The following MDGA1 variants were observed in gnomAD, a reference collection of about 807,000 sequenced individuals.
MDGA1 encodes MAM domain containing glycosylphosphatidylinositol anchor 1.
Under a neutral mutation model 101.5 loss-of-function variants are expected in MDGA1, and 54 were observed. The observed-to-expected ratio is 0.53, with a 90% CI of 0.43 to 0.67. The LOEUF is 0.67. Ranked by LOEUF, MDGA1 falls within the 30% of genes least tolerant of loss-of-function variation. The probability of loss-of-function intolerance (pLI) is 0.00; values close to 1 mark genes in which losing one functional copy is unlikely to be tolerated. For missense variants in MDGA1, 1,083 were observed against 1,323.8 expected (o/e 0.82, Z 2.82); for synonymous variants, 533 against 558.3 (o/e 0.95, Z 0.64).
At chr6:37,672,199 C>T (rs1761884626) in intron 1 of MDGA1, among the ~76,000 whole-genome samples, 1 of 151,766 alleles carries the variant, frequency 6.6e-6, no homozygotes, top group Non-Finnish European at 1.5e-5. Flanking sequence ...GCTTGTAATC[C>T]CAACATTTTG....
intron 1 of MDGA1, among the ~76,000 whole-genome samples, chr6:37,665,627 C>T (rs1018647310): frequency 1.3e-5 from 2 of 152,194 alleles, no homozygotes; most frequent in African/African-American, 4.8e-5. Flanking sequence ...TTCCACCAGC[C>T]ATAACTACAC....
intron 8 of MDGA1, chr6:37,649,793 C>T (rs708020): frequency 0.23 from 130,777 of 564,698 alleles, 17,516 homozygotes; most frequent in African/African-American, 0.46. Flanking sequence ...TTTCATCATC[C>T]TGTTATCAGA....
intron 2 of MDGA1, among the ~76,000 whole-genome samples, chr6:37,658,895 C>T (rs867414595): frequency 5.8e-5 from 8 of 138,190 alleles, no homozygotes; most frequent in African/African-American, 1.4e-4. Flanking sequence ...AGCTTGAACC[C>T]GGGAGGCGGG....
At position 37,635,041 on chromosome 6, in the gene MDGA1, G is replaced by A. The variant is rs186189379; in HGVS notation, c.*2327C>T. On this transcript the variant is annotated 3_prime_UTR_variant, in exon 17 of 17. Coordinates refer to ENST00000434837, the MANE Select transcript of MDGA1 (RefSeq NM_153487.4). ...CTGGTGCTCCAATGCCTACCCCAGC[G>A]AGGGCACAGAGGAAGCACCCAGGTG... 2.4e-3 allele frequency: 372 copies of A among 157,556 alleles called. 1 individual carries two copies. The highest frequency in any genetic ancestry group is 3.3e-3 in the South Asian group (16 of 4,874). The allele number at this position is 157,556 out of a possible 1,614,324, so 9.8% of individuals were successfully genotyped here. A position where few individuals can be genotyped will look rare whatever the true frequency, so the allele number is the denominator to read the frequency against.
chr6:37,656,505 T>A (rs1179570679), intron 3 of MDGA1, among the ~76,000 whole-genome samples: 1 of 151,948 alleles, frequency 6.6e-6, no homozygotes, highest in Non-Finnish European at 1.5e-5. Context: ...CCTGAATAAC[T>A]GGGACTACAG....
intron 1 of MDGA1, among the ~76,000 whole-genome samples, chr6:37,695,331 G>A (rs1470433187): frequency 6.6e-6 from 1 of 152,222 alleles, no homozygotes; most frequent in Non-Finnish European, 1.5e-5. Flanking sequence ...AAGGCCTCCA[G>A]TACCTGCCCC....
At chr6:37,665,353 A>C (rs1435265272) in intron 1 of MDGA1, among the ~76,000 whole-genome samples, 1 of 152,132 alleles carries the variant, frequency 6.6e-6, no homozygotes, top group Non-Finnish European at 1.5e-5. Flanking sequence ...TGCTCTAAAG[A>C]GGGGCACAGG....
At chr6:37,658,968 CAAAAAAAAAAA>C (rs34087406) in intron 2 of MDGA1, among the ~76,000 whole-genome samples, 1 of 109,512 alleles carries the variant, frequency 9.1e-6, no homozygotes, top group African/African-American at 4.1e-5. Flanking sequence ...AAGACTGTTT[CAAAAAAAAAAA>C]AAAAAAAAAA....
At chr6:37,644,020 G>A (rs45511994) in intron 13 of MDGA1, 77 bp from the exon 14 acceptor site, 938,993 of 1,558,026 alleles carry the variant, frequency 0.6, 286,367 homozygotes, top group South Asian at 0.7. Context: ...TCTCTGCCTA[G>A]GCCTCTGCGG....
At position 37,649,014 on chromosome 6, in the gene MDGA1, A is replaced by G. The variant is rs2114016311; in HGVS notation, c.1862T>C (p.Val621Ala). 6.4e-7 allele frequency: 1 copy of G among 1,552,382 alleles called. No homozygotes were observed. The highest frequency in any genetic ancestry group is 1.4e-5 in the African/African-American group (1 of 72,418). ...GSYECSVSNDVGSAACLFQVS... is the reference protein window; with the variant it reads ...GSYECSVSNDAGSAACLFQVS... ...CTGGAAGAGGCAGGCAGCCGAGCCC[A>G]CATCGTTGGAGACGCTGCACTCGTA... The change falls in exon 9 of 17, where the codon GTG (valine) becomes GCG (alanine). Residue 621 changes from valine (V) to alanine (A), a missense_variant. Physicochemically the swap from Val to Ala is moderately conservative, Grantham distance 64. Coordinates refer to ENST00000434837, the MANE Select transcript of MDGA1 (RefSeq NM_153487.4).
In MDGA1 at chr6:37,637,055, C is replaced by T; in HGVS notation, c.*313G>A. The stretch of plus-strand genomic sequence containing the variant: ...GCCGAGGTCCCTGGGTTGGCGGATG[C>T]CATTCAGGCAAGTCCCCTGTCTTTG... On this transcript the variant is annotated 3_prime_UTR_variant, in exon 17 of 17. Coordinates refer to ENST00000434837, the MANE Select transcript of MDGA1 (RefSeq NM_153487.4). The T allele has an allele frequency of 3.9e-6, 1 of 258,408 alleles. No homozygotes were observed. Among genetic ancestry groups the T allele is most frequent in the Non-Finnish European group, 7.4e-6 (1 of 135,174 alleles). The allele number at this position is 258,408 out of a possible 1,614,324, so 16.0% of individuals were successfully genotyped here.
intron 1 of MDGA1, among the ~76,000 whole-genome samples, chr6:37,669,392 A>C (rs1761823478): frequency 6.6e-6 from 1 of 152,150 alleles, no homozygotes; most frequent in Admixed American, 6.5e-5. Flanking sequence ...ATAGTTACCC[A>C]ACTCCCTTTA....
At position 37,658,287 on chromosome 6, in the gene MDGA1, C is replaced by T. The variant is rs1321456892; in HGVS notation, c.340G>A (p.Val114Met). 1.9e-6 allele frequency: 3 copies of T among 1,610,188 alleles called. No individual in the cohort carries two copies. The highest frequency in any genetic ancestry group is 1.1e-5 in the South Asian group (1 of 90,570). The change falls in exon 3 of 17, where the codon GTG becomes ATG. Residue 114 changes from valine to methionine, a missense_variant. Val to Met is a conservative substitution (Grantham distance 21). This residue lies in a region of MDGA1 where 310 missense variants were observed against 355.9 expected (regional missense o/e 0.87). Transcript: ENST00000434837. ...GRYYCKAENGVGVPAIKSIRV... is the reference protein window; with the variant it reads ...GRYYCKAENGMGVPAIKSIRV... The stretch of plus-strand genomic sequence containing the variant: ...ATGGACTTGATGGCCGGCACCCCCA[C>T]GCCGTTCTCAGCCTTGCAGTAGTAG...
intron 1 of MDGA1, among the ~76,000 whole-genome samples, chr6:37,693,437 A>G (rs1466807878): frequency 2.6e-5 from 4 of 152,240 alleles, no homozygotes; most frequent in African/African-American, 7.2e-5. Flanking sequence ...GTTTCTGATG[A>G]CACCTTTGGT....
chr6:37,663,987 T>C lies in MDGA1; in HGVS notation c.187A>G (p.Thr63Ala), dbSNP rs1359267938. ...GDTLMLQCLV[T>A]GHPRPQVRWT... ...CTTACCTGGGGTCGAGGGTGCCCTG[T>C]TACAAGGCACTGCAGCATGAGGGTG... The change falls in exon 2 of 17, where the codon ACA becomes GCA. Residue 63 changes from threonine (T) to alanine (A), a missense_variant. Thr to Ala is a moderately conservative substitution (Grantham distance 58). Transcript: ENST00000434837. 6.2e-7 allele frequency: 1 copy of C among 1,613,868 alleles called. No homozygotes were observed. The highest frequency in any genetic ancestry group is 1.7e-5 in the Admixed American group (1 of 60,008).
At chr6:37,666,390 G>T (rs1316271136) in intron 1 of MDGA1, among the ~76,000 whole-genome samples, 1 of 150,230 alleles carries the variant, frequency 6.7e-6, no homozygotes, top group Non-Finnish European at 1.5e-5. Flanking sequence ...GAAAAAAAAA[G>T]AAATAAAGTT....
At position 37,664,455 on chromosome 6, in the gene MDGA1, T is replaced by C. The variant is rs557912668; in HGVS notation, c.68-349A>G. 3 of 210,422 alleles carry C rather than the reference T, an allele frequency of 1.4e-5. No homozygotes were observed. The East Asian group carries it at 3.2e-4, about 22-fold the overall frequency. 13.0% of individuals were successfully genotyped at this position (210,422 alleles called of 1,614,324 possible). On this transcript the variant is annotated intron_variant, in intron 1 of 16. Coordinates refer to ENST00000434837, the MANE Select transcript of MDGA1 (RefSeq NM_153487.4). ...TGGCGGTGGATGCCATCGGTGCCCC[T>C]CCTGGCTCCCCAAGGTGACAGGTGC... is the stretch of plus-strand genomic sequence containing the variant.
chr6:37,654,309 T>G lies in MDGA1; in HGVS notation c.947A>C (p.Asn316Thr), dbSNP rs1241313767. 6.3e-7 allele frequency: 1 copy of G among 1,579,272 alleles called. No individual in the cohort carries two copies. The change falls in exon 6 of 17, where the codon AAC becomes ACC. Residue 316 changes from asparagine (N) to threonine (T), a missense_variant. Coordinates refer to ENST00000434837, the MANE Select transcript of MDGA1 (RefSeq NM_153487.4). ...YNCTATNNVG[N>T]PAKKTVNLLV... ...CAGGTTGACAGTCTTCTTGGCAGGG[T>G]TGCCCACATTGTTGGTGGCTGTGCA...
chr6:37,678,584 TTC>T (rs1762029198), intron 1 of MDGA1, among the ~76,000 whole-genome samples: 1 of 152,070 alleles, frequency 6.6e-6, no homozygotes, highest in Non-Finnish European at 1.5e-5. Context: ...CCACTTCCCA[TTC>T]TACTGCCCTC....
Sources: allele counts gnomAD v4.1 joint callset (sites outside exome capture counted in the v4.1 genomes callset), GRCh38; gene constraint gnomAD v4.1.1; regional missense constraint gnomAD v4.1.1; transcripts MANE v1.5; gene names NCBI Gene and HGNC (gene_info 2026-07-23, HGNC 2026-07-21).